SLC25A30: variants seen among roughly 807,000 people sequenced by gnomAD.
The protein encoded by SLC25A30 is solute carrier family 25 member 30.
SLC25A30 carries 29 observed loss-of-function variants against 42.7 expected under a neutral mutation model. The observed-to-expected ratio is 0.68, with a 90% CI of 0.51 to 0.93. SLC25A30 has a LOEUF of 0.93. Among genes scored for constraint, SLC25A30 ranks in the 40% least tolerant of loss-of-function variants. The probability of loss-of-function intolerance (pLI) is 0.00; values close to 1 mark genes in which losing one functional copy is unlikely to be tolerated. For missense variants in SLC25A30, 300 were observed against 359.7 expected, an observed-to-expected ratio of 0.83 and a Z score of 1.34; for synonymous variants, 124 against 131.0, an observed-to-expected ratio of 0.95 and a Z score of 0.37.
At chr13:45,424,404 T>G in the SLC25A30 span, among the ~76,000 whole-genome samples, 1 of 67,420 alleles carries the variant, frequency 1.5e-5, no homozygotes, top group African/African-American at 6.1e-5. Context: ...TATAAATATA[T>G]AAAAATATAT....
At chr13:45,418,766 C>A (rs1490395372), upstream of SLC25A30, 1 of 151,630 alleles carries the variant, frequency 6.6e-6, no homozygotes, top group Non-Finnish European at 1.5e-5. Context: ...TTTTTATACC[C>A]CAGCTTTTAG....
Position 45,394,123 on chromosome 13 carries a change from T to C in SLC25A30, c.*1851A>G, listed in dbSNP as rs1881143440. ...GAAGAAAAAATCCTAAGGTGTAGTT[T>C]AGAACAAGCAGCAAGGCCTGAATGA... On this transcript the variant is annotated 3_prime_UTR_variant, in exon 10 of 10. Coordinates refer to ENST00000519676, the MANE Select transcript of SLC25A30 (RefSeq NM_001010875.4). The C allele has an allele frequency of 1.0e-6, 1 of 985,376 alleles. No individual in the cohort carries two copies. Among genetic ancestry groups the C allele is most frequent in the Non-Finnish European group, 1.2e-6 (1 of 829,922 alleles). The allele number at this position is 985,376 out of a possible 1,614,324, so 61.0% of individuals were successfully genotyped here.
At chr13:45,397,369 C>G in intron 8 of SLC25A30, 31 bp from the exon 9 acceptor site, 1 of 1,488,516 alleles carries the variant, frequency 6.7e-7, no homozygotes, top group Non-Finnish European at 9.3e-7. Context: ...AGTTAACTTC[C>G]AACTTTCTAA....
chr13:45,399,548 T>C (rs888286171), intron 7 of SLC25A30, among the ~76,000 whole-genome samples: 5 of 152,064 alleles, frequency 3.3e-5, no homozygotes, highest in Admixed American at 2.0e-4. Context: ...ACATGAAACA[T>C]GTCAAGAAGA....
In SLC25A30 at chr13:45,396,138, C is replaced by T. The variant is rs568462709; in HGVS notation, c.835-123G>A. The T allele has an allele frequency of 5.2e-4, 826 of 1,591,138 alleles. 11 individuals are homozygous for T. In the South Asian group the frequency reaches 8.7e-3, roughly 17 times the overall value. Reference sequence around the variant, plus strand: ...TACAGGCAGACCCACGCTATGGACACGATTAAATAAAAGGGGTTCCACCCT... The same window carrying T: ...TACAGGCAGACCCACGCTATGGACATGATTAAATAAAAGGGGTTCCACCCT... On this transcript the variant is annotated intron_variant, in intron 9 of 9. Transcript: ENST00000519676.
the SLC25A30 span, among the ~76,000 whole-genome samples, chr13:45,433,849 G>A: frequency 2.6e-5 from 4 of 152,090 alleles, no homozygotes; most frequent in African/African-American, 2.4e-5. Flanking sequence ...AAACATTTCC[G>A]GAAGGAATAC....
rs1881172305 is a variant in SLC25A30, at chr13:45,394,487, C to T, written c.*1487G>A. ...TGTGGAAGGAGAATGCCCTGGAGCCCCAGCTAACATGTATTTAATGTTGTT... is the reference window on the plus strand; with the variant it reads ...TGTGGAAGGAGAATGCCCTGGAGCCTCAGCTAACATGTATTTAATGTTGTT... On this transcript the variant is annotated 3_prime_UTR_variant, in exon 10 of 10. Transcript: ENST00000519676. The T allele has an allele frequency of 2.0e-5, 20 of 985,158 alleles. 1 individual carries two copies. The highest frequency in any genetic ancestry group is 2.4e-5 in the Non-Finnish European group (20 of 829,928). The allele number at this position is 985,158 out of a possible 1,614,324, so 61.0% of individuals were successfully genotyped here. A position where few individuals can be genotyped will look rare whatever the true frequency, so the allele number is the denominator to read the frequency against.
intron 1 of SLC25A30, among the ~76,000 whole-genome samples, chr13:45,412,494 C>G (rs1593625444): frequency 1.3e-5 from 2 of 152,270 alleles, no homozygotes; most frequent in East Asian, 3.9e-4. Flanking sequence ...AGGAAAGAGG[C>G]TGACTCTGGG....
intron 1 of SLC25A30, among the ~76,000 whole-genome samples, chr13:45,414,301 G>A (rs892552429): frequency 3.9e-5 from 6 of 152,036 alleles, no homozygotes; most frequent in Non-Finnish European, 1.5e-5. Flanking sequence ...CTAGAGAGCC[G>A]CAGTACATGG....
In SLC25A30 at chr13:45,395,950, G is replaced by C; in HGVS notation, c.*24C>G. The C allele has an allele frequency of 6.2e-7, 1 of 1,614,186 alleles. No homozygotes were observed. Among genetic ancestry groups the C allele is most frequent in the Non-Finnish European group, 8.5e-7 (1 of 1,180,026 alleles). On this transcript the variant is annotated 3_prime_UTR_variant, in exon 10 of 10. Transcript: ENST00000519676. ...TTTCAGAAGTTACCATTTTCAGAAA[G>C]ATGTCTCATGCAGCCTTGGCTTGTC...
the SLC25A30 span, among the ~76,000 whole-genome samples, chr13:45,423,888 T>TAAAAAAAA: frequency 2.4e-5 from 2 of 83,594 alleles, no homozygotes; most frequent in Non-Finnish European, 4.2e-5. Flanking sequence ...TAAAAATATA[T>TAAAAAAAA]ATATAAATAT....
At chr13:45,423,944 A>T in the SLC25A30 span, among the ~76,000 whole-genome samples, 2 of 43,758 alleles carry the variant, frequency 4.6e-5, no homozygotes, top group African/African-American at 6.6e-5. Flanking sequence ...TAAATATATA[A>T]AAAAATATAT....
chr13:45,394,013 A>C lies in SLC25A30; in HGVS notation c.*1961T>G. 1 of 985,212 alleles carries C rather than the reference A, an allele frequency of 1.0e-6. No homozygotes were observed. Among genetic ancestry groups the C allele is most frequent in the Non-Finnish European group, 1.2e-6 (1 of 829,688 alleles). 61.0% of individuals were successfully genotyped at this position (985,212 alleles called of 1,614,324 possible). On this transcript the variant is annotated 3_prime_UTR_variant, in exon 10 of 10. Coordinates refer to ENST00000519676, the MANE Select transcript of SLC25A30 (RefSeq NM_001010875.4). ...TACATTAAAAAAAGAGCATTTCAAGAAAAGCAATCTTTAAACTCAAAGAAC... is the reference window on the plus strand; with the variant it reads ...TACATTAAAAAAAGAGCATTTCAAGCAAAGCAATCTTTAAACTCAAAGAAC...
the SLC25A30 span, among the ~76,000 whole-genome samples, chr13:45,429,045 ATGTGCAAGCTCTTTTTTTTTTTTTTT>A: frequency 7.0e-6 from 1 of 142,192 alleles, no homozygotes; most frequent in Non-Finnish European, 1.5e-5. Context: ...AAAGTTACAT[ATGTGCAAGCTCTTTTTTTTTTTTTTT>A]TTTTTTTTTT....
At chr13:45,430,550 A>T in the SLC25A30 span, among the ~76,000 whole-genome samples, 1 of 152,138 alleles carries the variant, frequency 6.6e-6, no homozygotes, top group Non-Finnish European at 1.5e-5. Context: ...TCATGCCTGT[A>T]ATCCCAGCAC....
At chr13:45,421,379 CAA>C (rs368665089), upstream of SLC25A30, among the ~76,000 whole-genome samples, 29,792 of 82,074 alleles carry the variant, frequency 0.36, 2,969 homozygotes, top group Non-Finnish European at 0.43. Context: ...ACTCCATCTC[CAA>C]AAAAAAAAAA....
the SLC25A30 span, among the ~76,000 whole-genome samples, chr13:45,432,087 T>C: frequency 1.3e-3 from 203 of 151,914 alleles, 1 homozygote; most frequent in African/African-American, 4.5e-3. Flanking sequence ...ATGGCTAACA[T>C]AGTGAAACCC....
At chr13:45,424,464 A>ATATATAATATAT in the SLC25A30 span, among the ~76,000 whole-genome samples, 6 of 43,710 alleles carry the variant, frequency 1.4e-4, no homozygotes, top group African/African-American at 7.0e-4. Flanking sequence ...TAAACATATA[A>ATATATAATATAT]AAATATATAA....
chr13:45,419,454 G>A (rs1478304887), upstream of SLC25A30, among the ~76,000 whole-genome samples: 1 of 150,048 alleles, frequency 6.7e-6, no homozygotes, highest in Non-Finnish European at 1.5e-5. Context: ...GAGTAGCTGG[G>A]ATTACAGGTG....
Sources: allele counts gnomAD v4.1 joint callset (sites outside exome capture counted in the v4.1 genomes callset), GRCh38; gene constraint gnomAD v4.1.1; transcripts MANE v1.5; gene names NCBI Gene and HGNC (gene_info 2026-07-23, HGNC 2026-07-21).